Variants in RARRES1 observed in about 807,000 individuals in gnomAD.
RARRES1 encodes retinoic acid receptor responder 1, also known as retinoic acid receptor responder protein 1.
In RARRES1, 34 loss-of-function variants were observed where a neutral mutation model predicts 30.6. That is an observed-to-expected ratio of 1.11 (90% CI 0.84 to 1.48). RARRES1 has a LOEUF of 1.48. Among genes scored for constraint, RARRES1 ranks in the 40% most tolerant of loss-of-function variants. The pLI is 0.00. For synonymous variants in RARRES1, 153 were observed against 155.5 expected, an observed-to-expected ratio of 0.98 and a Z score of 0.12; for missense variants, 373 against 386.5, an observed-to-expected ratio of 0.97 and a Z score of 0.29.
At chr3:158,727,938 T>C (rs751833393) in intron 1 of RARRES1, among the ~76,000 whole-genome samples, 2 of 152,188 alleles carry the variant, frequency 1.3e-5, no homozygotes, top group Non-Finnish European at 2.9e-5. Context: ...ATTGCTGCAT[T>C]TCACCACCAG....
chr3:158,730,860 C>G (rs1300195123), intron 1 of RARRES1, among the ~76,000 whole-genome samples: 1 of 151,842 alleles, frequency 6.6e-6, no homozygotes. Context: ...CTCGGCTCAC[C>G]GCAACCTCCG....
At chr3:158,721,889 C>T (rs1158518665) in intron 1 of RARRES1, among the ~76,000 whole-genome samples, 2 of 151,926 alleles carry the variant, frequency 1.3e-5, no homozygotes, top group South Asian at 2.1e-4. Flanking sequence ...GTCGAGTGTT[C>T]GAGACCAGCC....
At chr3:158,704,210 CTTTTTTTTTTTTTTT>C (rs78169321) in intron 4 of RARRES1, among the ~76,000 whole-genome samples, 4,817 of 83,020 alleles carry the variant, frequency 0.058, 368 homozygotes, top group African/African-American at 0.19. Context: ...TATTGCAATA[CTTTTTTTTTTTTTTT>C]TTTTTTTTTT....
Position 158,697,100 on chromosome 3 carries a change from A to G in RARRES1, c.*578T>C, listed in dbSNP as rs899074505. 3.9e-5 allele frequency: 6 copies of G among 152,340 alleles called. No homozygotes were observed. The highest frequency in any genetic ancestry group is 1.4e-4 in the African/African-American group (6 of 41,572). The allele number at this position is 152,340 out of a possible 1,614,324, so 9.4% of individuals were successfully genotyped here. A position where few individuals can be genotyped will look rare whatever the true frequency, so the allele number is the denominator to read the frequency against. ...ACAAATCTTCACGAGAACATTCAAC[A>G]CATTTCATTATTTAGAAATGTAAAC... is the stretch of plus-strand genomic sequence containing the variant. On this transcript the variant is annotated 3_prime_UTR_variant, in exon 6 of 6. Coordinates refer to ENST00000237696, the MANE Select transcript of RARRES1 (RefSeq NM_206963.2).
chr3:158,705,017 G>C (rs1726870641), intron 3 of RARRES1, 90 bp from the exon 4 acceptor site: 36 of 1,465,268 alleles, frequency 2.5e-5, no homozygotes, highest in Non-Finnish European at 3.2e-5. Context: ...TTTAAACTTA[G>C]TCATACCAGT....
chr3:158,725,617 C>T (rs1226085987), intron 1 of RARRES1, among the ~76,000 whole-genome samples: 2 of 151,824 alleles, frequency 1.3e-5, no homozygotes, highest in Admixed American at 1.3e-4. Flanking sequence ...TGGAAAATGT[C>T]GTGGGCTGGT....
chr3:158,698,984 G>A (rs1726638444), intron 4 of RARRES1, among the ~76,000 whole-genome samples: 1 of 152,140 alleles, frequency 6.6e-6, no homozygotes, highest in African/African-American at 2.4e-5. Flanking sequence ...ATGCTTGAGA[G>A]CTGGGACTCT....
chr3:158,697,952 T>G lies in RARRES1; in HGVS notation c.691A>C (p.Ile231Leu). The stretch of plus-strand genomic sequence containing the variant: ...AGTAGAACAGTATAATCAAAATCAA[T>G]TGTATCATCATTAGTTTTCTAGAGG... ...VRQWKTNDDT[I>L]DFDYTVLLHE... Residue 231 changes from isoleucine (I) to leucine (L), a missense_variant, in exon 5 of 6, where the codon ATT becomes CTT. Transcript: ENST00000237696. 2 of 1,532,144 alleles carry G rather than the reference T, an allele frequency of 1.3e-6. No individual in the cohort carries two copies. The highest frequency in any genetic ancestry group is 2.7e-5 in the African/African-American group (2 of 73,104). The allele number at this position is 1,532,144 out of a possible 1,614,324, so 94.9% of individuals were successfully genotyped here. A position where few individuals can be genotyped will look rare whatever the true frequency, so the allele number is the denominator to read the frequency against.
intron 1 of RARRES1, among the ~76,000 whole-genome samples, chr3:158,721,090 A>G (rs1727498040): frequency 6.6e-6 from 1 of 152,188 alleles, no homozygotes; most frequent in African/African-American, 2.4e-5. Context: ...GCAGGTGGGG[A>G]CATCTCCAGG....
intron 1 of RARRES1, among the ~76,000 whole-genome samples, chr3:158,719,781 C>T (rs1023723761): frequency 3.9e-5 from 6 of 152,012 alleles, no homozygotes; most frequent in South Asian, 2.1e-4. Context: ...AAGACCTGTT[C>T]GAGAGAATGT....
At chr3:158,713,687 A>G in intron 2 of RARRES1, 110 bp downstream of exon 2, 1 of 1,114,040 alleles carries the variant, frequency 9.0e-7, no homozygotes, top group Non-Finnish European at 1.3e-6. Flanking sequence ...CAGATCAGGA[A>G]AAAACAAAAG....
At chr3:158,715,650 A>G (rs1263756656) in intron 1 of RARRES1, among the ~76,000 whole-genome samples, 2 of 152,158 alleles carry the variant, frequency 1.3e-5, no homozygotes, top group African/African-American at 2.4e-5. Context: ...TTATTACTAA[A>G]ATCTATAGGC....
intron 3 of RARRES1, among the ~76,000 whole-genome samples, chr3:158,706,940 G>A (rs1370015764): frequency 6.6e-6 from 1 of 152,040 alleles, no homozygotes; most frequent in Non-Finnish European, 1.5e-5. Flanking sequence ...AGGCCAAGGG[G>A]GGTGGATCAC....
intron 4 of RARRES1, among the ~76,000 whole-genome samples, chr3:158,701,056 T>C (rs985005381): frequency 6.6e-6 from 1 of 152,230 alleles, no homozygotes; most frequent in Non-Finnish European, 1.5e-5. Flanking sequence ...CTTTGGCTAA[T>C]GGAGACTTCT....
At chr3:158,728,513 T>C (rs1332587640) in intron 1 of RARRES1, among the ~76,000 whole-genome samples, 2 of 135,116 alleles carry the variant, frequency 1.5e-5, no homozygotes, top group Non-Finnish European at 3.2e-5. Flanking sequence ...TTTCTTTTTC[T>C]TTCTTTTTTT....
chr3:158,710,410 G>A (rs995827771), intron 3 of RARRES1, among the ~76,000 whole-genome samples: 4 of 151,928 alleles, frequency 2.6e-5, no homozygotes, highest in Admixed American at 6.6e-5. Flanking sequence ...GGGTTTCACC[G>A]TGTTAGCCAG....
intron 1 of RARRES1, among the ~76,000 whole-genome samples, chr3:158,717,585 C>T (rs9825140): frequency 0.13 from 19,752 of 152,244 alleles, 1,475 homozygotes; most frequent in South Asian, 0.22. Context: ...AAGGGCCACA[C>T]CTGCAGGCTA....
Position 158,697,632 on chromosome 3 carries a change from A to C in RARRES1, c.*46T>G. ...TTTTACTAGAAGAATGATTTATGCTAGTATAGTCACTTGTTTAGAAGTCGG... is the reference window on the plus strand; with the variant it reads ...TTTTACTAGAAGAATGATTTATGCTCGTATAGTCACTTGTTTAGAAGTCGG... On this transcript the variant is annotated 3_prime_UTR_variant, in exon 6 of 6. Coordinates refer to ENST00000237696, the MANE Select transcript of RARRES1 (RefSeq NM_206963.2). 6.5e-7 allele frequency: 1 copy of C among 1,531,824 alleles called. No individual in the cohort carries two copies. Among genetic ancestry groups the C allele is most frequent in the Middle Eastern group, 1.9e-4 (1 of 5,224 alleles). 94.9% of individuals were successfully genotyped at this position (1,531,824 alleles called of 1,614,324 possible).
At chr3:158,716,177 C>G (rs902327835) in intron 1 of RARRES1, among the ~76,000 whole-genome samples, 26 of 152,204 alleles carry the variant, frequency 1.7e-4, no homozygotes, top group African/African-American at 5.8e-4. Context: ...GAGGAAGAAG[C>G]TGAGTTGGGA....
Sources: gnomAD v4.1 joint callset for allele counts (sites outside exome capture counted in the v4.1 genomes callset) on GRCh38, gnomAD v4.1.1 for gene constraint, MANE v1.5 for transcripts, NCBI Gene and HGNC (gene_info 2026-07-23, HGNC 2026-07-21) for gene names.